SMARCC1: variants seen among roughly 807,000 people sequenced by gnomAD.
The protein encoded by SMARCC1 is SWI/SNF related BAF chromatin remodeling complex subunit C1.
A neutral mutation model predicts 147.4 loss-of-function variants in SMARCC1; 43 were observed. The observed-to-expected ratio is 0.29, with a 90% CI of 0.23 to 0.38. The LOEUF is 0.38. SMARCC1 is among the 10% of genes least tolerant of loss of function. The probability of loss-of-function intolerance (pLI) is 1.00; values close to 1 mark genes in which losing one functional copy is unlikely to be tolerated. For synonymous variants in SMARCC1, 495 were observed against 484.4 expected (o/e 1.02, Z -0.29); for missense variants, 1,119 against 1,381.1 (o/e 0.81, Z 3.01).
Position 47,680,425 on chromosome 3 carries a change from C to T in SMARCC1, c.1457+12G>A. The T allele has an allele frequency of 1.3e-6, 2 of 1,599,302 alleles. No individual in the cohort carries two copies. Among genetic ancestry groups the T allele is most frequent in the African/African-American group, 1.3e-5 (1 of 74,594 alleles). On this transcript the variant is annotated intron_variant, in intron 15 of 27. Transcript: ENST00000254480. ...AGGCAAATAAACAAGTTTTCTAAAACACTGGCCTCACATTTCTGGAGTCTT... is the reference window on the plus strand; with the variant it reads ...AGGCAAATAAACAAGTTTTCTAAAATACTGGCCTCACATTTCTGGAGTCTT...
rs989374503 is a variant in SMARCC1 at position 47,677,589 on chromosome 3, T to C, written c.1571+609A>G. 5.9e-5 allele frequency among the ~76,000 whole-genome samples: 9 copies of C among 151,948 alleles called. No individual in the cohort carries two copies. In the East Asian group the frequency reaches 1.6e-3, roughly 26 times the overall value. On this transcript the variant is annotated intron_variant, in intron 16 of 27. Coordinates refer to ENST00000254480, the MANE Select transcript of SMARCC1 (RefSeq NM_003074.4). ...TTTTTTGAGACACAATCTTGCTCTGTTGCGCAGGCTGGAATGCAGTGGGAC... is the reference window on the plus strand; with the variant it reads ...TTTTTTGAGACACAATCTTGCTCTGCTGCGCAGGCTGGAATGCAGTGGGAC...
chr3:47,707,652 A>G (rs2034010632), intron 9 of SMARCC1, among the ~76,000 whole-genome samples: 1 of 152,068 alleles, frequency 6.6e-6, no homozygotes, highest in Non-Finnish European at 1.5e-5. Context: ...GGCGGGGGGA[A>G]TGCTTGAGCC....
At chr3:47,648,618 T>G (rs1227565729) in intron 21 of SMARCC1, among the ~76,000 whole-genome samples, 2 of 151,996 alleles carry the variant, frequency 1.3e-5, no homozygotes, top group African/African-American at 4.8e-5. Context: ...AGTCTCAGAC[T>G]CCTTAGCCCA....
In SMARCC1 at chr3:47,769,953, C is replaced by T. The variant is rs369042508; in HGVS notation, c.315+2864G>A. On this transcript the variant is annotated intron_variant, in intron 2 of 27. Coordinates refer to ENST00000254480, the MANE Select transcript of SMARCC1 (RefSeq NM_003074.4). ...GTAAAAATAAGGCTGGGGCCGGGCA[C>T]GGTGGCTCACGCCTATAATCCCAGC... Among the ~76,000 whole-genome samples, 87 of 152,210 alleles carry T rather than the reference C, an allele frequency of 5.7e-4. 1 individual carries two copies. In the South Asian group the frequency reaches 0.017, roughly 29 times the overall value.
rs745967932 is a variant in SMARCC1, at chr3:47,720,751, AAAC to A, written c.647-19_647-17del. ...AACCATTCTTCTGGAAGAGAAAAAG[AAAC>A]AACTTTACTCAAACTGACAAAATAA... On this transcript the variant is annotated splice_polypyrimidine_tract_variant and intron_variant, in intron 6 of 27. Transcript: ENST00000254480. The A allele has an allele frequency of 1.9e-6, 3 of 1,574,010 alleles. No individual in the cohort carries two copies. Among genetic ancestry groups the A allele is most frequent in the Non-Finnish European group, 1.7e-6 (2 of 1,149,268 alleles).
chr3:47,770,060 CT>C (rs2034888826), intron 2 of SMARCC1, among the ~76,000 whole-genome samples: 1 of 151,214 alleles, frequency 6.6e-6, no homozygotes, highest in African/African-American at 2.4e-5. Context: ...CCCGTCTCTA[CT>C]AAAAATACAA....
chr3:47,712,581 C>G (rs1332862073), intron 8 of SMARCC1, among the ~76,000 whole-genome samples: 1 of 152,106 alleles, frequency 6.6e-6, no homozygotes, highest in East Asian at 1.9e-4. Flanking sequence ...TCATTTAACT[C>G]TCCTAAGCAC....
At chr3:47,733,043 G>T (rs1331729472) in intron 5 of SMARCC1, among the ~76,000 whole-genome samples, 1 of 151,246 alleles carries the variant, frequency 6.6e-6, no homozygotes, top group Non-Finnish European at 1.5e-5. Flanking sequence ...GGAGGTGGAG[G>T]ATGCAGTGAG....
At chr3:47,677,333 TCAGGTG>T (rs1354212001) in intron 16 of SMARCC1, among the ~76,000 whole-genome samples, 1 of 151,702 alleles carries the variant, frequency 6.6e-6, no homozygotes, top group East Asian at 1.9e-4. Context: ...ACTCCTGACC[TCAGGTG>T]ATCTACCCAC....
At chr3:47,650,993 T>G (rs1209693885) in intron 21 of SMARCC1, among the ~76,000 whole-genome samples, 1 of 152,084 alleles carries the variant, frequency 6.6e-6, no homozygotes, top group African/African-American at 2.4e-5. Context: ...AAAGTTACAG[T>G]AAGACTTGAA....
At chr3:47,667,208 C>T (rs2033431573) in intron 19 of SMARCC1, among the ~76,000 whole-genome samples, 1 of 151,816 alleles carries the variant, frequency 6.6e-6, no homozygotes. Flanking sequence ...GTCCCAGCTA[C>T]TTGGGAGGCC....
At chr3:47,679,671 G>A (rs1383587171) in intron 15 of SMARCC1, among the ~76,000 whole-genome samples, 6 of 152,054 alleles carry the variant, frequency 3.9e-5, no homozygotes, top group Non-Finnish European at 8.8e-5. Flanking sequence ...AGACAAGCCT[G>A]GCCAACATGG....
chr3:47,638,896 C>A, intron 21 of SMARCC1, 116 bp from the exon 22 acceptor site: 1 of 730,892 alleles, frequency 1.4e-6, no homozygotes. Context: ...TAACGAATAT[C>A]ATAGCCATAC....
At chr3:47,639,646 G>A (rs1394979306) in intron 21 of SMARCC1, among the ~76,000 whole-genome samples, 2 of 152,032 alleles carry the variant, frequency 1.3e-5, no homozygotes, top group African/African-American at 4.8e-5. Context: ...CCAAGGAGGC[G>A]GAGGTTGCAG....
intron 21 of SMARCC1, among the ~76,000 whole-genome samples, chr3:47,655,275 G>A (rs2033246156): frequency 6.6e-6 from 1 of 152,222 alleles, no homozygotes; most frequent in Non-Finnish European, 1.5e-5. Context: ...TCATGTGCCT[G>A]TAGTTCTAGC....
At chr3:47,596,528 C>T (rs2032284835) in intron 26 of SMARCC1, among the ~76,000 whole-genome samples, 1 of 151,088 alleles carries the variant, frequency 6.6e-6, no homozygotes, top group Non-Finnish European at 1.5e-5. Flanking sequence ...GATCATGCCA[C>T]TGCACTCCAG....
chr3:47,677,081 C>T (rs1439759699), intron 16 of SMARCC1, among the ~76,000 whole-genome samples: 1 of 152,080 alleles, frequency 6.6e-6, no homozygotes, highest in African/African-American at 2.4e-5. Flanking sequence ...CACACATAGA[C>T]CAAATACACA....
rs1456058921 is a variant in SMARCC1 at position 47,662,537 on chromosome 3, C to T, written c.1955G>A (p.Arg652His). 3.7e-6 allele frequency: 6 copies of T among 1,613,454 alleles called. No individual in the cohort carries two copies. The highest frequency in any genetic ancestry group is 1.6e-4 in the Middle Eastern group (1 of 6,082). The change falls in exon 20 of 28, where the codon CGT (arginine) becomes CAT (histidine). Residue 652 changes from arginine (R) to histidine (H), a missense_variant. This residue lies in a region of SMARCC1 where 178 missense variants were observed against 264.6 expected (regional missense o/e 0.67). Coordinates refer to ENST00000254480, the MANE Select transcript of SMARCC1 (RefSeq NM_003074.4). Reference protein sequence around the residue: ...WNKVSEHVGSRTQDECILHFL... With the variant: ...WNKVSEHVGSHTQDECILHFL... ...GTGGAGGATGCATTCATCCTGAGTA[C>T]GACTTCCAACATGTTCCGACACTTT... is the stretch of plus-strand genomic sequence containing the variant.
At chr3:47,590,552 TC>T in intron 27 of SMARCC1, 108 bp downstream of exon 27, 4 of 911,968 alleles carry the variant, frequency 4.4e-6, no homozygotes, top group Non-Finnish European at 6.2e-6. Flanking sequence ...ACAGACTGCA[TC>T]ATCCATGGAC....
Sources: gnomAD v4.1 joint callset for allele counts (sites outside exome capture counted in the v4.1 genomes callset) on GRCh38, gnomAD v4.1.1 for gene constraint, gnomAD v4.1.1 regional missense constraint, MANE v1.5 for transcripts, NCBI Gene and HGNC (gene_info 2026-07-23, HGNC 2026-07-21) for gene names.